The following RNF6 variants were observed in gnomAD, a reference collection of about 807,000 sequenced individuals.
RNF6 encodes ring finger protein 6.
A neutral mutation model predicts 50.1 loss-of-function variants in RNF6; 21 were observed. The ratio of observed to expected loss-of-function variants is 0.42; its 90% CI spans 0.30 to 0.60. The LOEUF is 0.60. RNF6 is among the 20% of genes least tolerant of loss of function. RNF6 has a pLI of 0.20. For missense variants in RNF6, 698 were observed against 838.2 expected (o/e 0.83, Z 2.07); for synonymous variants, 255 against 291.8 (o/e 0.87, Z 1.29).
At chr13:26,209,275 T>A (rs1246003174), downstream of RNF6, among the ~76,000 whole-genome samples, 1 of 152,192 alleles carries the variant, frequency 6.6e-6, no homozygotes, top group Non-Finnish European at 1.5e-5. Flanking sequence ...AAATCCTCCC[T>A]TGGTGCCTTT....
At chr13:26,154,438 A>G (rs1871797867) in intron 5 of RNF6, among the ~76,000 whole-genome samples, 1 of 152,240 alleles carries the variant, frequency 6.6e-6, no homozygotes, top group Admixed American at 6.5e-5. Context: ...ACCAGAGATC[A>G]AAGTCATGAT....
chr13:26,196,413 G>A (rs1181860852), intron 5 of RNF6, among the ~76,000 whole-genome samples: 1 of 152,164 alleles, frequency 6.6e-6, no homozygotes, highest in African/African-American at 2.4e-5. Context: ...CACTTTGGGA[G>A]GCCGAGGTGG....
chr13:26,178,104 G>A (rs190894823), intron 5 of RNF6, among the ~76,000 whole-genome samples: 1,577 of 152,264 alleles, frequency 0.01, 32 homozygotes, highest in African/African-American at 0.036. Flanking sequence ...TGGGAGAATC[G>A]CTTGAACCTG....
In RNF6 at chr13:26,152,989, T is replaced by C. The variant is rs1405992704; in HGVS notation, n.769-20538A>G. Among the ~76,000 whole-genome samples, 26 of 151,694 alleles carry C rather than the reference T, an allele frequency of 1.7e-4. 1 individual carries two copies. The highest frequency in any genetic ancestry group is 3.8e-4 in the Non-Finnish European group (26 of 67,912). ...CCAACATGGCAAAACCCTGTCTCTATAAAAAATACAAAAATGCGCCGGGTG... is the reference window on the plus strand; with the variant it reads ...CCAACATGGCAAAACCCTGTCTCTACAAAAAATACAAAAATGCGCCGGGTG... On this transcript the variant is annotated intron_variant and non_coding_transcript_variant, in intron 5 of 5. Coordinates refer to the RNF6 transcript ENST00000468480.
intron 5 of RNF6, among the ~76,000 whole-genome samples, chr13:26,166,559 A>G (rs929743129): frequency 6.6e-6 from 1 of 152,196 alleles, no homozygotes; most frequent in African/African-American, 2.4e-5. Flanking sequence ...ATACACCAAC[A>G]ACAGCCAAGC....
rs142271726 is a variant in RNF6 at position 26,198,548 on chromosome 13, C to G, written n.768+16926G>C. On this transcript the variant is annotated intron_variant and non_coding_transcript_variant, in intron 5 of 5. Transcript: ENST00000468480. ...CTATGAAAACCCTAGAGCTAACATACTTAATAGTGAAAGACTGAATGCTTT... is the reference window on the plus strand; with the variant it reads ...CTATGAAAACCCTAGAGCTAACATAGTTAATAGTGAAAGACTGAATGCTTT... Among the ~76,000 whole-genome samples the G allele has an allele frequency of 3.5e-4, 53 of 151,996 alleles. No individual in the cohort carries two copies. The East Asian group carries it at 6.8e-3, about 19-fold the overall frequency.
chr13:26,136,284 A>G (rs758863183), intron 5 of RNF6, among the ~76,000 whole-genome samples: 5 of 152,228 alleles, frequency 3.3e-5, no homozygotes, highest in African/African-American at 4.8e-5. Flanking sequence ...GCTGAGGATG[A>G]ACAGATGTTA....
At chr13:26,210,105 T>A (rs2137728425), downstream of RNF6, among the ~76,000 whole-genome samples, 1 of 152,294 alleles carries the variant, frequency 6.6e-6, no homozygotes, top group South Asian at 2.1e-4. Context: ...ACAGCCATCA[T>A]CATCTTTTGA....
rs1030936829 is a variant in RNF6 at position 26,137,964 on chromosome 13, T to C, written n.769-5513A>G. Among the ~76,000 whole-genome samples the C allele has an allele frequency of 2.0e-5, 3 of 151,808 alleles. No individual in the cohort carries two copies. In the South Asian group the frequency reaches 6.2e-4, roughly 32 times the overall value. ...AAATAATGGCCAAAAGCTACCCCAA[T>C]GTGATGGAAAGCATTAATCTACACA... On this transcript the variant is annotated intron_variant and non_coding_transcript_variant, in intron 5 of 5. Transcript: ENST00000468480.
intron 5 of RNF6, among the ~76,000 whole-genome samples, chr13:26,185,106 C>T (rs1454195488): frequency 1.3e-5 from 2 of 152,104 alleles, no homozygotes; most frequent in Admixed American, 1.3e-4. Flanking sequence ...AAGCCATTCT[C>T]CCACCTCAGC....
chr13:26,141,489 G>A (rs1392614363), intron 5 of RNF6, among the ~76,000 whole-genome samples: 3 of 150,752 alleles, frequency 2.0e-5, no homozygotes, highest in Non-Finnish European at 4.4e-5. Flanking sequence ...TGTACTACAA[G>A]GCTACAGTAA....
At chr13:26,200,068 C>T (rs931578198) in intron 5 of RNF6, among the ~76,000 whole-genome samples, 2 of 152,148 alleles carry the variant, frequency 1.3e-5, no homozygotes, top group Non-Finnish European at 2.9e-5. Flanking sequence ...TCACCAGACA[C>T]CAAATATGCC....
At chr13:26,183,758 C>A (rs1873349667) in intron 5 of RNF6, among the ~76,000 whole-genome samples, 1 of 151,528 alleles carries the variant, frequency 6.6e-6, no homozygotes, top group Non-Finnish European at 1.5e-5. Context: ...TGGTTAACTG[C>A]ATTCTGTGCT....
At chr13:26,167,886 T>A (rs745660204) in intron 5 of RNF6, among the ~76,000 whole-genome samples, 2 of 152,134 alleles carry the variant, frequency 1.3e-5, no homozygotes, top group Non-Finnish European at 2.9e-5. Context: ...TAAGATCATA[T>A]CCTTTGCAAG....
intron 1 of RNF6, 159 bp downstream of exon 1, chr13:26,221,844 G>A (rs1489002825): frequency 2.0e-5 from 3 of 152,284 alleles, no homozygotes; most frequent in African/African-American, 4.8e-5. Flanking sequence ...CAAGGAAGCA[G>A]GTGATAGACG....
chr13:26,141,730 T>A (rs1870963937), intron 5 of RNF6, among the ~76,000 whole-genome samples: 1 of 152,064 alleles, frequency 6.6e-6, no homozygotes, highest in Non-Finnish European at 1.5e-5. Flanking sequence ...AAAAATTAAT[T>A]GAAGGTAGAT....
At chr13:26,203,604 A>G (rs4545656) in intron 5 of RNF6, among the ~76,000 whole-genome samples, 32,384 of 152,142 alleles carry the variant, frequency 0.21, 3,862 homozygotes, top group East Asian at 0.4. Context: ...CATAAAGGCA[A>G]TATTAGAACT....
intron 5 of RNF6, among the ~76,000 whole-genome samples, chr13:26,156,738 T>C (rs551933999): frequency 6.6e-6 from 1 of 152,282 alleles, no homozygotes; most frequent in African/African-American, 2.4e-5. Context: ...ACTTAGAAAG[T>C]ATCAGATTCT....
chr13:26,199,964 C>T (rs759993015), intron 5 of RNF6, among the ~76,000 whole-genome samples: 9 of 152,084 alleles, frequency 5.9e-5, no homozygotes, highest in South Asian at 2.1e-4. Context: ...GAGATCCCAG[C>T]GAGCTCTCAC....
Sources: gnomAD v4.1 joint callset for allele counts (sites outside exome capture counted in the v4.1 genomes callset) on GRCh38, gnomAD v4.1.1 for gene constraint, MANE v1.5 for transcripts, NCBI Gene and HGNC (gene_info 2026-07-23, HGNC 2026-07-21) for gene names.